The following GRAMD2B variants were observed in gnomAD, a reference collection of about 807,000 sequenced individuals.
GRAMD2B encodes the protein GRAM domain-containing protein 2B.
A neutral mutation model predicts 59.2 loss-of-function variants in GRAMD2B; 41 were observed. The ratio of observed to expected loss-of-function variants is 0.69; its 90% CI spans 0.54 to 0.90. The LOEUF is 0.90. Ranked by LOEUF, GRAMD2B falls within the 40% of genes least tolerant of loss-of-function variation. The pLI is 0.00. For synonymous variants in GRAMD2B, 161 were observed against 182.7 expected (o/e 0.88, Z 0.96); for missense variants, 424 against 500.5 (o/e 0.85, Z 1.46).
exon 1 of GRAMD2B, chr5:126,371,531 G>A (rs546108161): frequency 1.5e-5 from 19 of 1,289,190 alleles, no homozygotes; most frequent in Middle Eastern, 4.3e-4. Flanking sequence ...GAGGCCTCAC[G>A]CAGCTCCACA....
Position 126,488,725 on chromosome 5 carries a change from A to C in GRAMD2B, c.1164-74A>C, listed in dbSNP as rs1773407287. Reference sequence around the variant, plus strand: ...TATAAACCAATTTTCTGTTCAAATAAATTTTAAATGTGTTCATTCCACTTC... The same window carrying C: ...TATAAACCAATTTTCTGTTCAAATACATTTTAAATGTGTTCATTCCACTTC... On this transcript the variant is annotated intron_variant, in intron 12 of 13. Coordinates refer to ENST00000285689, the MANE Select transcript of GRAMD2B (RefSeq NM_023927.4). 34 of 1,026,250 alleles carry C rather than the reference A, an allele frequency of 3.3e-5. No homozygotes were observed. The South Asian group carries it at 4.2e-4, about 13-fold the overall frequency. 63.6% of individuals were successfully genotyped at this position (1,026,250 alleles called of 1,614,324 possible).
At chr5:126,391,581 T>C (rs1561472161) in intron 1 of GRAMD2B, among the ~76,000 whole-genome samples, 2 of 152,184 alleles carry the variant, frequency 1.3e-5, no homozygotes, top group Admixed American at 1.3e-4. Context: ...AAATGTGGTA[T>C]GTCCATGCAA....
chr5:126,492,859 C>G, intron 13 of GRAMD2B, 56 bp from the exon 14 acceptor site: 6 of 1,119,904 alleles, frequency 5.4e-6, no homozygotes, highest in Non-Finnish European at 8.1e-6. Context: ...AACAAATATG[C>G]CCTTAATATA....
At position 126,435,436 on chromosome 5, in the gene GRAMD2B, C is replaced by A. The variant is rs544207391; in HGVS notation, c.83+11747C>A. Among the ~76,000 whole-genome samples, 14 of 152,250 alleles carry A rather than the reference C, an allele frequency of 9.2e-5. No homozygotes were observed. In the East Asian group the frequency reaches 2.7e-3, roughly 29 times the overall value. ...GTTTTTGATGGGCACTTAGGGGTCTCCTGTGGCGTGACTGGCTGGGGCTGG... is the reference window on the plus strand; with the variant it reads ...GTTTTTGATGGGCACTTAGGGGTCTACTGTGGCGTGACTGGCTGGGGCTGG... On this transcript the variant is annotated intron_variant, in intron 1 of 13. Coordinates refer to ENST00000285689, the MANE Select transcript of GRAMD2B (RefSeq NM_023927.4).
chr5:126,390,623 TAAGTA>T (rs1002865199), intron 1 of GRAMD2B, among the ~76,000 whole-genome samples: 1 of 152,220 alleles, frequency 6.6e-6, no homozygotes, highest in Non-Finnish European at 1.5e-5. Context: ...TATATAACCG[TAAGTA>T]AAGTAATTTC....
intron 4 of GRAMD2B, 138 bp downstream of exon 4, chr5:126,472,442 C>A: frequency 1.6e-6 from 1 of 637,442 alleles, no homozygotes; most frequent in Non-Finnish European, 2.8e-6. Context: ...ATAACAATAA[C>A]ACCAGCTTCA....
In GRAMD2B at chr5:126,391,771, C is replaced by G. The variant is rs971542020; in HGVS notation, c.125+20204C>G. Among the ~76,000 whole-genome samples the G allele has an allele frequency of 2.0e-5, 3 of 152,150 alleles. No homozygotes were observed. The East Asian group carries it at 5.8e-4, about 29-fold the overall frequency. On this transcript the variant is annotated intron_variant, in intron 1 of 8. Coordinates refer to the GRAMD2B transcript ENST00000506445. ...GGGAAGGAATGATGGGGATTGATTA[C>G]TAATGGGTACAGGGTTTTTTGGGGA...
At chr5:126,439,433 T>C (rs1762938870) in intron 1 of GRAMD2B, among the ~76,000 whole-genome samples, 2 of 150,184 alleles carry the variant, frequency 1.3e-5, no homozygotes, top group Non-Finnish European at 2.9e-5. Flanking sequence ...CTCAAGTGAT[T>C]CTCGTGCATC....
intron 3 of GRAMD2B, 108 bp from the exon 4 acceptor site, chr5:126,472,130 A>G: frequency 1.3e-6 from 1 of 787,772 alleles, no homozygotes; most frequent in African/African-American, 1.7e-5. Context: ...GTGAGAAGGA[A>G]TTCCTAAAGA....
At chr5:126,443,478 T>C (rs1763641283) in intron 1 of GRAMD2B, among the ~76,000 whole-genome samples, 1 of 152,182 alleles carries the variant, frequency 6.6e-6, no homozygotes, top group Non-Finnish European at 1.5e-5. Context: ...TATTAACTAG[T>C]TAAAAGAAAA....
chr5:126,429,284 C>CA (rs909438095), intron 1 of GRAMD2B, among the ~76,000 whole-genome samples: 5 of 152,014 alleles, frequency 3.3e-5, no homozygotes, highest in African/African-American at 1.2e-4. Flanking sequence ...AATGCAGGAA[C>CA]AAAAAACGAA....
upstream of GRAMD2B, among the ~76,000 whole-genome samples, chr5:126,419,353 G>C (rs1353115830): frequency 6.6e-6 from 1 of 151,974 alleles, no homozygotes; most frequent in East Asian, 1.9e-4. Flanking sequence ...AGCGAAAAGG[G>C]GGAGGTGCTA....
intron 1 of GRAMD2B, among the ~76,000 whole-genome samples, chr5:126,424,925 C>A (rs986508950): frequency 1.3e-5 from 2 of 152,202 alleles, no homozygotes; most frequent in Non-Finnish European, 2.9e-5. Flanking sequence ...AAGCCCAGGT[C>A]TCCTAACTTT....
chr5:126,473,469 T>C (rs1293437688), intron 5 of GRAMD2B, 101 bp downstream of exon 5: 4 of 435,674 alleles, frequency 9.2e-6, no homozygotes, highest in African/African-American at 2.0e-5. Context: ...ATTTGTATCA[T>C]GGTTATTCTT....
chr5:126,383,055 G>C (rs188875619), intron 1 of GRAMD2B, among the ~76,000 whole-genome samples: 1 of 152,300 alleles, frequency 6.6e-6, no homozygotes, highest in East Asian at 1.9e-4. Context: ...CCGTCTTCAG[G>C]TCTCTCAGCC....
chr5:126,371,438 G>A (rs1038016058), exon 1 of GRAMD2B: 9 of 1,286,510 alleles, frequency 7.0e-6, no homozygotes, highest in African/African-American at 6.1e-5. Flanking sequence ...GTCAATAAGC[G>A]CACAATGGTG....
intron 11 of GRAMD2B, 56 bp downstream of exon 11, chr5:126,485,829 AAT>A: frequency 9.2e-7 from 1 of 1,084,532 alleles, no homozygotes. Flanking sequence ...TCGCTAAAGG[AAT>A]AATCTCTTCA....
chr5:126,422,908 T>C (rs1161656013), upstream of GRAMD2B, among the ~76,000 whole-genome samples: 1 of 146,934 alleles, frequency 6.8e-6, no homozygotes, highest in East Asian at 2.0e-4. Context: ...TCTTTGCCCC[T>C]CTAACCACCC....
Position 126,371,596 on chromosome 5 carries a change from C to T in GRAMD2B, c.125+29C>T, listed in dbSNP as rs549464749. 74 of 1,265,958 alleles carry T rather than the reference C, an allele frequency of 5.8e-5. No individual in the cohort carries two copies. In the East Asian group the frequency reaches 2.9e-3, roughly 49 times the overall value. 78.4% of individuals were successfully genotyped at this position (1,265,958 alleles called of 1,614,324 possible). On this transcript the variant is annotated intron_variant, in intron 1 of 8. Coordinates refer to the GRAMD2B transcript ENST00000506445. ...GGTACAGCCTGGGCCTGGCCATCCA[C>T]GTCTGTCCCCCTGGTGGCCTCAGCT...
Sources: gnomAD v4.1 joint callset for allele counts (sites outside exome capture counted in the v4.1 genomes callset) on GRCh38, gnomAD v4.1.1 for gene constraint, MANE v1.5 for transcripts, NCBI Gene and HGNC (gene_info 2026-07-23, HGNC 2026-07-21) for gene names.